Variants in MTMR9 observed in about 807,000 individuals in gnomAD.
MTMR9 encodes myotubularin-related protein 9.
In MTMR9, 39 loss-of-function variants were observed where a neutral mutation model predicts 69.5. The ratio of observed to expected loss-of-function variants is 0.56; its 90% confidence interval spans 0.43 to 0.73. The LOEUF is 0.73. MTMR9 is among the 30% of genes least tolerant of loss of function. MTMR9 has a pLI of 0.00. For synonymous variants in MTMR9, 354 were observed against 240.8 expected (o/e 1.47, Z -4.35); for missense variants, 900 against 671.2 (o/e 1.34, Z -3.77).
intron 2 of MTMR9, 88 bp from the exon 3 acceptor site, chr8:11,299,935 C>T: frequency 1.4e-6 from 2 of 1,447,306 alleles, no homozygotes; most frequent in East Asian, 2.4e-5. Flanking sequence ...ATTATTAGAC[C>T]ATGTTTGCTT....
intron 5 of MTMR9, among the ~76,000 whole-genome samples, chr8:11,308,414 C>G (rs991631796): frequency 9.2e-5 from 14 of 152,152 alleles, no homozygotes; most frequent in African/African-American, 3.4e-4. Flanking sequence ...TATGCCAGTG[C>G]CAAGCTGTTT....
chr8:11,287,904 A>G (rs1487525285), intron 1 of MTMR9, among the ~76,000 whole-genome samples: 1 of 127,608 alleles, frequency 7.8e-6, no homozygotes, highest in East Asian at 2.1e-4. Flanking sequence ...TATTATATAT[A>G]ACATAATATG....
At chr8:11,332,563 T>G (rs1801277743), downstream of MTMR9, among the ~76,000 whole-genome samples, 1 of 151,712 alleles carries the variant, frequency 6.6e-6, no homozygotes, top group African/African-American at 2.4e-5. Context: ...GATGAGAAAT[T>G]CACTAGAAGG....
rs1297583600 is a variant in MTMR9, at chr8:11,286,522, C to G, written c.182+1452C>G. ...TCTACTAAAAATACAAAAAATTAAC[C>G]GGGCATAGTGGCAGGTGCCTGTAAT... On this transcript the variant is annotated intron_variant, in intron 1 of 9. Coordinates refer to ENST00000221086, the MANE Select transcript of MTMR9 (RefSeq NM_015458.4). 2.6e-5 allele frequency among the ~76,000 whole-genome samples: 4 copies of G among 151,728 alleles called. No homozygotes were observed. In the East Asian group the frequency reaches 7.9e-4, roughly 30 times the overall value.
intron 6 of MTMR9, among the ~76,000 whole-genome samples, chr8:11,313,426 C>T (rs191068595): frequency 2.0e-5 from 3 of 152,214 alleles, no homozygotes; most frequent in Non-Finnish European, 4.4e-5. Context: ...TAATTTCCAT[C>T]AGGAACTTCT....
intron 1 of MTMR9, among the ~76,000 whole-genome samples, chr8:11,294,500 C>CTTTTT (rs61227530): frequency 9.4e-6 from 1 of 105,844 alleles, no homozygotes; most frequent in East Asian, 2.9e-4. Flanking sequence ...AATACTTTCA[C>CTTTTT]TTTTTTTTTT....
chr8:11,314,847 A>G (rs1348853171), intron 6 of MTMR9, 76 bp from the exon 7 acceptor site: 1 of 1,454,336 alleles, frequency 6.9e-7, no homozygotes, highest in African/African-American at 1.4e-5. Flanking sequence ...GTGCTCAATA[A>G]ACGCTTGTTA....
chr8:11,286,751 C>G (rs1345553310), intron 1 of MTMR9, among the ~76,000 whole-genome samples: 1 of 150,210 alleles, frequency 6.7e-6, no homozygotes, highest in African/African-American at 2.5e-5. Flanking sequence ...CATTCTGTGT[C>G]TCGGCCCTAT....
At chr8:11,320,386 A>C (rs1283021177) in intron 9 of MTMR9, 1 of 152,212 alleles carries the variant, frequency 6.6e-6, no homozygotes, top group East Asian at 1.9e-4. Context: ...TGATTTTTCC[A>C]ACTATTGAAG....
rs914470019 is a variant in MTMR9 at position 11,322,562 on chromosome 8, A to G, written c.1487-63A>G. On this transcript the variant is annotated intron_variant, in intron 9 of 9. Coordinates refer to ENST00000221086, the MANE Select transcript of MTMR9 (RefSeq NM_015458.4). Reference sequence around the variant, plus strand: ...TACATAAATTACATCTTATCCACAAATGTAATTTTAATCCATTGTATATAC... The same window carrying G: ...TACATAAATTACATCTTATCCACAAGTGTAATTTTAATCCATTGTATATAC... 8.0e-6 allele frequency: 11 copies of G among 1,381,438 alleles called. No individual in the cohort carries two copies. In the East Asian group the frequency reaches 1.2e-4, roughly 15 times the overall value. 85.6% of individuals were successfully genotyped at this position (1,381,438 alleles called of 1,614,324 possible). A position where few individuals can be genotyped will look rare whatever the true frequency, so the allele number is the denominator to read the frequency against.
At chr8:11,321,757 A>G (rs776664336) in intron 9 of MTMR9, among the ~76,000 whole-genome samples, 1 of 152,178 alleles carries the variant, frequency 6.6e-6, no homozygotes, top group African/African-American at 2.4e-5. Context: ...AAAAATCAAC[A>G]TGGGTGGGTC....
At chr8:11,298,906 T>C (rs1799654758) in intron 2 of MTMR9, 4 of 981,546 alleles carry the variant, frequency 4.1e-6, no homozygotes, top group Non-Finnish European at 4.8e-6. Context: ...CTGATAGAGT[T>C]ATTGCCCCCA....
intron 9 of MTMR9, chr8:11,321,529 A>T (rs986657568): frequency 4.8e-5 from 22 of 456,670 alleles, no homozygotes; most frequent in Non-Finnish European, 8.4e-5. Flanking sequence ...GATGGGATGA[A>T]ATCCTTGTTC....
intron 6 of MTMR9, among the ~76,000 whole-genome samples, chr8:11,312,685 A>G (rs1351280717): frequency 6.6e-6 from 1 of 152,236 alleles, no homozygotes; most frequent in African/African-American, 2.4e-5. Context: ...GATATTTTTA[A>G]TGGCATCTAG....
At position 11,291,389 on chromosome 8, in the gene MTMR9, A is replaced by G. The variant is rs76925398; in HGVS notation, c.183-3805A>G. On this transcript the variant is annotated intron_variant, in intron 1 of 9. Coordinates refer to ENST00000221086, the MANE Select transcript of MTMR9 (RefSeq NM_015458.4). ...ATTATAAGAAATAAACATATAAACT[A>G]GAAAGTTTAATAAAGTATTTTAAAT... Among the ~76,000 whole-genome samples the G allele has an allele frequency of 4.0e-3, 605 of 152,250 alleles. 6 individuals are homozygous for G. Among genetic ancestry groups the G allele is most frequent in the African/African-American group, 0.013 (545 of 41,564 alleles).
chr8:11,333,554 A>G, the MTMR9 span, among the ~76,000 whole-genome samples: 1 of 152,230 alleles, frequency 6.6e-6, no homozygotes, highest in South Asian at 2.1e-4. Flanking sequence ...ACTTGAACCC[A>G]TATGAAGAAA....
At chr8:11,290,733 G>T (rs1450817301) in intron 1 of MTMR9, among the ~76,000 whole-genome samples, 1 of 151,970 alleles carries the variant, frequency 6.6e-6, no homozygotes, top group Non-Finnish European at 1.5e-5. Context: ...ATATATACGG[G>T]TCTGTTTCTG....
In MTMR9 at chr8:11,322,837, C is replaced by T. The variant is rs201240818; in HGVS notation, c.*49C>T. 217 of 1,554,304 alleles carry T rather than the reference C, an allele frequency of 1.4e-4. No homozygotes were observed. The highest frequency in any genetic ancestry group is 1.8e-4 in the Non-Finnish European group (207 of 1,144,580). On this transcript the variant is annotated 3_prime_UTR_variant, in exon 10 of 10. Coordinates refer to ENST00000221086, the MANE Select transcript of MTMR9 (RefSeq NM_015458.4). ...AGGACCTTCTTGGGCCTGTGTCCGC[C>T]GTTCTCTCCTTGTGCCCTTCAGTTC...
At chr8:11,288,368 T>TAA (rs1367271271) in intron 1 of MTMR9, among the ~76,000 whole-genome samples, 49 of 142,554 alleles carry the variant, frequency 3.4e-4, no homozygotes, top group Non-Finnish European at 5.6e-4. Context: ...AATATATATA[T>TAA]AATGATGTCA....
Sources: allele counts gnomAD v4.1 joint callset (sites outside exome capture counted in the v4.1 genomes callset), GRCh38; gene constraint gnomAD v4.1.1; transcripts MANE v1.5; gene names NCBI Gene and HGNC (gene_info 2026-07-23, HGNC 2026-07-21).